Variants in KHDRBS2 observed in about 807,000 individuals in gnomAD.
The protein encoded by KHDRBS2 is KH domain-containing, RNA-binding, signal transduction-associated protein 2.
KHDRBS2 carries 26 observed loss-of-function variants against 44.3 expected under a neutral mutation model. The ratio of observed to expected loss-of-function variants is 0.59; its 90% CI spans 0.43 to 0.81. The LOEUF is 0.81. KHDRBS2 is among the 40% of genes least tolerant of loss of function. The pLI is 0.00. For missense variants in KHDRBS2, 476 were observed against 433.1 expected (o/e 1.10, Z -0.88); for synonymous variants, 194 against 151.1 (o/e 1.28, Z -2.08).
Position 62,069,364 on chromosome 6 carries a change from T to G in KHDRBS2, c.220-21370A>C, listed in dbSNP as rs555996813. Among the ~76,000 whole-genome samples, 6 of 151,940 alleles carry G rather than the reference T, an allele frequency of 3.9e-5. 1 individual carries two copies. The South Asian group carries it at 1.2e-3, about 31-fold the overall frequency. On this transcript the variant is annotated intron_variant, in intron 2 of 8. Transcript: ENST00000281156. Reference sequence around the variant, plus strand: ...CTATGTTTATCCAACCGTAAGTTTATGTCACCTGTTTAGAAGACGCATAGT... The same window carrying G: ...CTATGTTTATCCAACCGTAAGTTTAGGTCACCTGTTTAGAAGACGCATAGT...
chr6:61,897,039 C>A (rs899985502), intron 5 of KHDRBS2, among the ~76,000 whole-genome samples: 1 of 152,182 alleles, frequency 6.6e-6, no homozygotes, highest in Non-Finnish European at 1.5e-5. Context: ...TCCTCGATCT[C>A]ATGGTTGCAC....
At chr6:61,673,071 C>T in the KHDRBS2 span, among the ~76,000 whole-genome samples, 2 of 151,734 alleles carry the variant, frequency 1.3e-5, no homozygotes, top group South Asian at 4.2e-4. Flanking sequence ...ATATGGCTAG[C>T]CAGTTTTCCC....
intron 3 of KHDRBS2, among the ~76,000 whole-genome samples, chr6:62,018,410 T>C (rs949137248): frequency 2.0e-5 from 3 of 151,770 alleles, no homozygotes; most frequent in Admixed American, 6.6e-5. Context: ...CGGAGTGTAG[T>C]GGCACGAACT....
the KHDRBS2 span, among the ~76,000 whole-genome samples, chr6:61,672,211 T>C: frequency 6.6e-6 from 1 of 150,806 alleles, no homozygotes; most frequent in Non-Finnish European, 1.5e-5. Flanking sequence ...TTCCATGGTG[T>C]ATATGTGCCA....
chr6:62,280,402 T>C (rs1470193949), intron 1 of KHDRBS2, among the ~76,000 whole-genome samples: 2 of 151,984 alleles, frequency 1.3e-5, no homozygotes, highest in Admixed American at 6.6e-5. Flanking sequence ...CAGTAGAATA[T>C]AGTGCCCAGA....
chr6:61,687,639 G>T (rs1766963808), intron 8 of KHDRBS2, among the ~76,000 whole-genome samples: 1 of 151,500 alleles, frequency 6.6e-6, no homozygotes, highest in Admixed American at 6.6e-5. Context: ...TAACTTTTCT[G>T]TATTTTTATA....
intron 6 of KHDRBS2, among the ~76,000 whole-genome samples, chr6:61,887,842 GTCTAAA>G (rs1339984731): frequency 1.3e-5 from 2 of 152,144 alleles, no homozygotes; most frequent in African/African-American, 4.8e-5. Flanking sequence ...GGAATCAATA[GTCTAAA>G]ATTAGAGCAG....
intron 7 of KHDRBS2, among the ~76,000 whole-genome samples, chr6:61,708,967 G>A (rs868612236): frequency 2.0e-5 from 3 of 151,626 alleles, no homozygotes; most frequent in Non-Finnish European, 4.4e-5. Context: ...GAATTGCTGT[G>A]TGTCATTTTG....
intron 2 of KHDRBS2, among the ~76,000 whole-genome samples, chr6:62,132,359 T>C (rs886552132): frequency 6.6e-6 from 1 of 152,198 alleles, no homozygotes; most frequent in Non-Finnish European, 1.5e-5. Context: ...AAAGTATGGT[T>C]CCTTGACCAA....
At chr6:62,208,324 G>A (rs912139509) in intron 1 of KHDRBS2, among the ~76,000 whole-genome samples, 1 of 152,078 alleles carries the variant, frequency 6.6e-6, no homozygotes, top group African/African-American at 2.4e-5. Flanking sequence ...TGAACTCCTG[G>A]TCTCAAATGG....
At chr6:61,824,781 T>C (rs1158211335) in intron 6 of KHDRBS2, among the ~76,000 whole-genome samples, 1 of 152,170 alleles carries the variant, frequency 6.6e-6, no homozygotes, top group East Asian at 1.9e-4. Context: ...TATGGTCAAA[T>C]TCAGTTGTTA....
At chr6:61,656,877 A>G in the KHDRBS2 span, among the ~76,000 whole-genome samples, 2 of 151,934 alleles carry the variant, frequency 1.3e-5, no homozygotes, top group Non-Finnish European at 2.9e-5. Context: ...GTTTTATGCC[A>G]CCCAATATGA....
At chr6:61,761,582 A>G (rs1779279055) in intron 6 of KHDRBS2, among the ~76,000 whole-genome samples, 1 of 152,206 alleles carries the variant, frequency 6.6e-6, no homozygotes, top group Admixed American at 6.5e-5. Flanking sequence ...TAAATGTCAA[A>G]TAAATATCAC....
chr6:61,766,161 TA>T (rs1231714698), intron 6 of KHDRBS2, among the ~76,000 whole-genome samples: 2 of 152,082 alleles, frequency 1.3e-5, no homozygotes, highest in African/African-American at 2.4e-5. Context: ...CATTACTGGT[TA>T]TTGGTCTGGT....
intron 2 of KHDRBS2, among the ~76,000 whole-genome samples, chr6:62,135,720 A>G (rs1257180932): frequency 2.0e-5 from 3 of 152,166 alleles, no homozygotes; most frequent in Admixed American, 2.0e-4. Flanking sequence ...CACACATACA[A>G]TGGAACATTA....
At chr6:62,190,754 A>C (rs752024621) in intron 1 of KHDRBS2, among the ~76,000 whole-genome samples, 5 of 152,152 alleles carry the variant, frequency 3.3e-5, no homozygotes, top group Middle Eastern at 3.4e-3. Flanking sequence ...CTCTTTTACC[A>C]CAATCTTCCT....
At chr6:62,009,436 T>C (rs1351522652) in intron 3 of KHDRBS2, among the ~76,000 whole-genome samples, 2 of 152,180 alleles carry the variant, frequency 1.3e-5, no homozygotes, top group Non-Finnish European at 2.9e-5. Flanking sequence ...GACAATGTGA[T>C]AGAAAAGAAA....
chr6:62,252,299 G>GC (rs1836678846), intron 1 of KHDRBS2, among the ~76,000 whole-genome samples: 1 of 151,856 alleles, frequency 6.6e-6, no homozygotes, highest in Non-Finnish European at 1.5e-5. Context: ...ATGCCAGCCA[G>GC]CATCATATCA....
chr6:62,221,028 C>T (rs1830808641), intron 1 of KHDRBS2, among the ~76,000 whole-genome samples: 1 of 151,568 alleles, frequency 6.6e-6, no homozygotes, highest in Admixed American at 6.6e-5. Flanking sequence ...ATGTTCATTG[C>T]ACATTATTCA....
Sources: gnomAD v4.1 joint callset for allele counts (sites outside exome capture counted in the v4.1 genomes callset) on GRCh38, gnomAD v4.1.1 for gene constraint, MANE v1.5 for transcripts, NCBI Gene and HGNC (gene_info 2026-07-23, HGNC 2026-07-21) for gene names.